The following WDFY4 variants were observed in gnomAD, a reference collection of about 807,000 sequenced individuals.
WDFY4 encodes the protein WDFY family member 4.
A neutral mutation model predicts 351.9 loss-of-function variants in WDFY4; 169 were observed. The observed-to-expected ratio is 0.48, with a 90% CI of 0.42 to 0.55. The LOEUF (loss-of-function observed/expected upper bound fraction) is 0.55. WDFY4 is among the 20% of genes least tolerant of loss of function. The pLI, the probability that WDFY4 is intolerant of heterozygous loss-of-function variation, is 0.00. For synonymous variants in WDFY4, 1,622 were observed against 1,574.6 expected, an observed-to-expected ratio of 1.03 and a Z score of -0.71; for missense variants, 3,803 against 3,935.6, an observed-to-expected ratio of 0.97 and a Z score of 0.90.
At chr10:48,875,350 C>T (rs2069955434) in intron 42 of WDFY4, among the ~76,000 whole-genome samples, 1 of 152,172 alleles carries the variant, frequency 6.6e-6, no homozygotes, top group African/African-American at 2.4e-5. Flanking sequence ...ATTAAGGTTG[C>T]AACAATAACA....
intron 47 of WDFY4, among the ~76,000 whole-genome samples, chr10:48,925,476 G>A (rs961535095): frequency 2.6e-5 from 4 of 152,186 alleles, no homozygotes; most frequent in South Asian, 2.1e-4. Context: ...TTCTGGGCCC[G>A]AAATTGTGTG....
intron 24 of WDFY4, among the ~76,000 whole-genome samples, chr10:48,800,733 T>TCTTTCTTTC (rs758793039): frequency 4.1e-5 from 6 of 145,712 alleles, no homozygotes; most frequent in East Asian, 4.0e-4. Context: ...ATTCTTTCTT[T>TCTTTCTTTC]TTTTTTTTTT....
intron 12 of WDFY4, among the ~76,000 whole-genome samples, chr10:48,751,014 G>A (rs2065165137): frequency 1.3e-5 from 2 of 152,192 alleles, no homozygotes; most frequent in East Asian, 1.9e-4. Context: ...TCTCGTGCCT[G>A]GTGTCCTGAA....
chr10:48,777,626 C>T, intron 17 of WDFY4, 131 bp downstream of exon 17: 2 of 870,738 alleles, frequency 2.3e-6, no homozygotes, highest in Non-Finnish European at 1.8e-6. Flanking sequence ...TGGCTCACAC[C>T]TGTAATACTG....
At chr10:48,868,729 A>G (rs1017073191) in intron 40 of WDFY4, among the ~76,000 whole-genome samples, 2 of 152,198 alleles carry the variant, frequency 1.3e-5, no homozygotes, top group African/African-American at 2.4e-5. Context: ...GATGTGGTTT[A>G]TCTAAACTTC....
At chr10:48,734,117 G>A (rs2064563412) in intron 10 of WDFY4, 82 bp downstream of exon 10, 6 of 1,273,656 alleles carry the variant, frequency 4.7e-6, no homozygotes, top group Non-Finnish European at 6.7e-6. Flanking sequence ...GTGTTCACAG[G>A]TTATACTCAA....
chr10:48,726,077 C>A lies in WDFY4; in HGVS notation c.781+7C>A, dbSNP rs962325670. 1.3e-6 allele frequency: 2 copies of A among 1,533,400 alleles called. No homozygotes were observed. The highest frequency in any genetic ancestry group is 1.8e-6 in the Non-Finnish European group (2 of 1,132,216). The allele number at this position is 1,533,400 out of a possible 1,614,324, so 95.0% of individuals were successfully genotyped here. ...ATCATCCAGTACCTGCAGGGTATGG[C>A]CCGGGAAATTAGATGTGGGCTGTGG... On this transcript the variant is annotated splice_region_variant and intron_variant, in intron 6 of 61. Coordinates refer to ENST00000325239, the MANE Select transcript of WDFY4 (RefSeq NM_001394531.1).
chr10:48,921,332 T>C (rs916106875), intron 47 of WDFY4, among the ~76,000 whole-genome samples: 8 of 152,144 alleles, frequency 5.3e-5, no homozygotes, highest in Non-Finnish European at 1.2e-4. Flanking sequence ...AAATGGTCAA[T>C]TGATTTTTGA....
chr10:48,866,159 C>T (rs2940729), intron 39 of WDFY4, among the ~76,000 whole-genome samples: 18 of 151,772 alleles, frequency 1.2e-4, no homozygotes, highest in Non-Finnish European at 7.4e-5. Context: ...TCCCCAGTGT[C>T]TTCAGATGGA....
rs1432741336 is a variant in WDFY4, at chr10:48,826,675, T to C, written c.5987T>C (p.Ile1996Thr). The C allele has an allele frequency of 6.4e-7, 1 of 1,550,660 alleles. No homozygotes were observed. The highest frequency in any genetic ancestry group is 8.7e-7 in the Non-Finnish European group (1 of 1,145,998). ...TATGTTTTTTTAATGACACAGGTCA[T>C]TGAGACTGCCTCTTCTCAAAGGGAC... ...LFILEHIMVV[I>T]ETASSQRDTV... Residue 1996 changes from isoleucine (I) to threonine (T), a missense_variant, in exon 36 of 62, where the codon ATT (isoleucine) becomes ACT (threonine). By Grantham distance (89) the Ile-to-Thr change is moderately conservative. This residue lies in a region of WDFY4 where 3,054 missense variants were observed against 3,148.6 expected (regional missense o/e 0.97). Transcript: ENST00000325239.
At chr10:48,931,975 G>T (rs976075921) in intron 47 of WDFY4, among the ~76,000 whole-genome samples, 8 of 152,224 alleles carry the variant, frequency 5.3e-5, no homozygotes, top group Non-Finnish European at 8.8e-5. Context: ...TTCCTGCTGT[G>T]CCTGAAAAGG....
rs1841965207 is a variant in WDFY4 at position 48,963,821 on chromosome 10, CT to C, written c.8224-20del. The C allele has an allele frequency of 7.1e-6, 11 of 1,550,922 alleles. No homozygotes were observed. The highest frequency in any genetic ancestry group is 9.6e-6 in the Non-Finnish European group (11 of 1,146,654). On this transcript the variant is annotated intron_variant, in intron 53 of 61. Transcript: ENST00000325239. Reference sequence around the variant, plus strand: ...TCCATGAGTGGCCTGGGTTTTAATGCTCTTTGGGTTTTTGTTCCAGGCCCTG... The same window carrying C: ...TCCATGAGTGGCCTGGGTTTTAATGCCTTTGGGTTTTTGTTCCAGGCCCTG...
At chr10:48,900,774 A>G (rs1485894911) in intron 46 of WDFY4, among the ~76,000 whole-genome samples, 1 of 152,226 alleles carries the variant, frequency 6.6e-6, no homozygotes, top group Non-Finnish European at 1.5e-5. Flanking sequence ...TGTGCACTGA[A>G]CATGTTTTTC....
intron 47 of WDFY4, chr10:48,914,145 C>T (rs200930283): frequency 3.7e-6 from 6 of 1,612,860 alleles, no homozygotes; most frequent in Admixed American, 3.3e-5. Context: ...GCCTTTCTCA[C>T]CCTTAACCAT....
At chr10:48,719,722 G>A (rs546030721) in intron 2 of WDFY4, among the ~76,000 whole-genome samples, 2 of 152,206 alleles carry the variant, frequency 1.3e-5, no homozygotes, top group African/African-American at 4.8e-5. Context: ...GCCATCCACC[G>A]ACGCCAGATG....
chr10:48,812,189 TG>T (rs1295915390), intron 30 of WDFY4, among the ~76,000 whole-genome samples: 37 of 131,834 alleles, frequency 2.8e-4, no homozygotes, highest in Non-Finnish European at 4.2e-4. Flanking sequence ...CTTTTTTTTT[TG>T]TTTTTTTTGT....
chr10:48,743,208 C>A lies in WDFY4; in HGVS notation c.2119C>A (p.Leu707Ile). 6.4e-7 allele frequency: 1 copy of A among 1,551,730 alleles called. No individual in the cohort carries two copies. The highest frequency in any genetic ancestry group is 1.2e-5 in the South Asian group (1 of 84,060). ...VNGYFFRRNG[L>I]FEKLAEDLCL... is the part of the protein sequence containing the mutation. Reference sequence around the variant, plus strand: ...TGGCTACTTCTTCAGGAGGAATGGGCTCTTTGAGAAGCTGGCCGAGGACCT... The same window carrying A: ...TGGCTACTTCTTCAGGAGGAATGGGATCTTTGAGAAGCTGGCCGAGGACCT... Residue 707 changes from leucine to isoleucine, a missense_variant, in exon 12 of 62, where the codon CTC (leucine) becomes ATC (isoleucine). Around this residue, in one of 3 missense-constraint regions of WDFY4, gnomAD observed 3,054 missense variants for 3,148.6 expected, o/e 0.97. Coordinates refer to ENST00000325239, the MANE Select transcript of WDFY4 (RefSeq NM_001394531.1).
intron 51 of WDFY4, among the ~76,000 whole-genome samples, chr10:48,953,327 T>TCACACA (rs1303775956): frequency 1.4e-4 from 17 of 118,992 alleles, no homozygotes; most frequent in African/African-American, 5.3e-4. Context: ...TCTCTCTCTC[T>TCACACA]CTCTCTCACA....
At chr10:48,852,836 T>G (rs987123114) in intron 39 of WDFY4, among the ~76,000 whole-genome samples, 1 of 152,182 alleles carries the variant, frequency 6.6e-6, no homozygotes, top group Non-Finnish European at 1.5e-5. Flanking sequence ...CTCAGTTCCT[T>G]TCTGTTTCGT....
Sources: allele counts gnomAD v4.1 joint callset (sites outside exome capture counted in the v4.1 genomes callset), GRCh38; gene constraint gnomAD v4.1.1; regional missense constraint gnomAD v4.1.1; transcripts MANE v1.5; gene names NCBI Gene and HGNC (gene_info 2026-07-23, HGNC 2026-07-21).